Variants in ZSWIM7 observed in about 807,000 individuals in gnomAD.
ZSWIM7 encodes the protein zinc finger SWIM domain-containing protein 7.
In ZSWIM7, 22 loss-of-function variants were observed where a neutral mutation model predicts 21.1. The observed-to-expected ratio is 1.04, with a 90% CI of 0.74 to 1.49. The LOEUF is 1.49. ZSWIM7 is among the 40% of genes most tolerant of loss of function. The probability of loss-of-function intolerance (pLI) is 0.00; values close to 1 mark genes in which losing one functional copy is unlikely to be tolerated. For missense variants in ZSWIM7, 193 were observed against 168.0 expected (o/e 1.15, Z -0.82); for synonymous variants, 67 against 66.5 (o/e 1.01, Z -0.04).
chr17:15,994,568 G>C (rs953746326), intron 1 of ZSWIM7, among the ~76,000 whole-genome samples: 1 of 152,146 alleles, frequency 6.6e-6, no homozygotes, highest in Non-Finnish European at 1.5e-5. Context: ...ACAGCTTTAG[G>C]TGACTGCCTT....
intron 2 of ZSWIM7, among the ~76,000 whole-genome samples, chr17:15,989,447 G>C (rs1970454863): frequency 6.6e-6 from 1 of 151,964 alleles, no homozygotes; most frequent in African/African-American, 2.4e-5. Context: ...CTCCTGAGTA[G>C]CTGGGATTAT....
chr17:15,978,276 A>ATTACGGGGTCTCT, intron 4 of ZSWIM7, 113 bp from the exon 5 acceptor site: 1 of 766,536 alleles, frequency 1.3e-6, no homozygotes, highest in Non-Finnish European at 2.3e-6. Flanking sequence ...GAGCATACAG[A>ATTACGGGGTCTCT]TTACGGGGTC....
chr17:15,993,718 G>A (rs750233914), intron 2 of ZSWIM7, 39 bp downstream of exon 2: 10 of 1,384,564 alleles, frequency 7.2e-6, no homozygotes, highest in African/African-American at 2.9e-5. Context: ...TAACATTAAT[G>A]GTTAAAAAAA....
intron 1 of ZSWIM7, among the ~76,000 whole-genome samples, chr17:15,996,730 G>C (rs28463386): frequency 1.0e-3 from 158 of 152,074 alleles, no homozygotes; most frequent in Non-Finnish European, 1.8e-3. Flanking sequence ...GCACACCTGT[G>C]GTACCAGTTA....
chr17:15,982,717 C>G (rs183622901), intron 3 of ZSWIM7, among the ~76,000 whole-genome samples: 33 of 152,264 alleles, frequency 2.2e-4, no homozygotes, highest in Middle Eastern at 3.4e-3. Context: ...AGTGGCAGAT[C>G]ATAGCTCATT....
At chr17:15,997,290 AGCC>A (rs1970567492) in intron 1 of ZSWIM7, among the ~76,000 whole-genome samples, 1 of 152,230 alleles carries the variant, frequency 6.6e-6, no homozygotes, top group African/African-American at 2.4e-5. Flanking sequence ...CCGAGAGATC[AGCC>A]AGTCCATATT....
In ZSWIM7 at chr17:15,993,744, T is replaced by C. The variant is rs1272696560; in HGVS notation, c.98+13A>G. 2 of 1,467,004 alleles carry C rather than the reference T, an allele frequency of 1.4e-6. No homozygotes were observed. The highest frequency in any genetic ancestry group is 2.8e-5 in the African/African-American group (2 of 70,658). The allele number at this position is 1,467,004 out of a possible 1,614,324, so 90.9% of individuals were successfully genotyped here. On this transcript the variant is annotated intron_variant, in intron 2 of 4. Transcript: ENST00000399277. Reference sequence around the variant, plus strand: ...GTTAAAAAAAAATCAAATACAACAGTATATGTACTTACGATAACAGATATT... The same window carrying C: ...GTTAAAAAAAAATCAAATACAACAGCATATGTACTTACGATAACAGATATT...
intron 3 of ZSWIM7, among the ~76,000 whole-genome samples, chr17:15,985,395 A>C (rs934918368): frequency 7.9e-5 from 12 of 152,174 alleles, no homozygotes; most frequent in Non-Finnish European, 1.5e-5. Flanking sequence ...CTGGAGAACA[A>C]TAATATTAGA....
At position 15,999,464 on chromosome 17, in the gene ZSWIM7, C is replaced by T. The variant is rs773594201; in HGVS notation, c.76+55G>A. ...CCTCCTGCCTCCCGGCCCGGCGGTG[C>T]CCGGATGCCCCGCCCGCGCCCATGG... On this transcript the variant is annotated intron_variant, in intron 1 of 4. Coordinates refer to ENST00000399277, the MANE Select transcript of ZSWIM7 (RefSeq NM_001042697.2). 5.7e-6 allele frequency: 9 copies of T among 1,581,232 alleles called. No homozygotes were observed. The African/African-American group carries it at 9.4e-5, about 17-fold the overall frequency.
At chr17:15,987,031 A>C (rs1214642055) in intron 3 of ZSWIM7, 1 of 341,708 alleles carries the variant, frequency 2.9e-6, no homozygotes, top group Non-Finnish European at 5.2e-6. Flanking sequence ...TTATTCTACA[A>C]GGTATCCATA....
intron 2 of ZSWIM7, among the ~76,000 whole-genome samples, chr17:15,991,450 C>A (rs187169735): frequency 1.9e-4 from 29 of 152,276 alleles, no homozygotes; most frequent in Admixed American, 1.8e-3. Flanking sequence ...TGTTACCCTG[C>A]AATTTACATT....
At chr17:15,991,201 T>TTTTTTTTTTTTTTTTTTTTTTTTTTTG (rs1567571155) in intron 2 of ZSWIM7, 2 of 151,892 alleles carry the variant, frequency 1.3e-5, no homozygotes, top group African/African-American at 4.9e-5. Context: ...ATATCACTTT[T>TTTTTTTTTTTTTTTTTTTTTTTTTTTG]AATGGTTACA....
chr17:15,978,473 C>G (rs1970306205), intron 4 of ZSWIM7, among the ~76,000 whole-genome samples: 1 of 152,290 alleles, frequency 6.6e-6, no homozygotes, highest in Admixed American at 6.5e-5. Flanking sequence ...CGGTACATGC[C>G]TGTAATTCCA....
At chr17:15,982,223 G>A (rs1970364224) in intron 3 of ZSWIM7, among the ~76,000 whole-genome samples, 1 of 152,148 alleles carries the variant, frequency 6.6e-6, no homozygotes, top group African/African-American at 2.4e-5. Flanking sequence ...GCACAAATTT[G>A]CTGGAGAAAT....
At chr17:15,987,964 T>C (rs1428418828) in intron 2 of ZSWIM7, among the ~76,000 whole-genome samples, 1 of 152,190 alleles carries the variant, frequency 6.6e-6, no homozygotes, top group Non-Finnish European at 1.5e-5. Context: ...AAGCCCTCTT[T>C]ATACTTCTCT....
intron 4 of ZSWIM7, among the ~76,000 whole-genome samples, chr17:15,979,711 A>G (rs1338276457): frequency 1.4e-5 from 2 of 139,576 alleles, no homozygotes; most frequent in Non-Finnish European, 3.1e-5. Context: ...CTGGCCGGGC[A>G]GAGGGGCTCC....
intron 3 of ZSWIM7, among the ~76,000 whole-genome samples, chr17:15,983,571 A>G (rs1970380035): frequency 6.6e-6 from 1 of 151,996 alleles, no homozygotes; most frequent in African/African-American, 2.4e-5. Flanking sequence ...AAAACCCACA[A>G]CATCCAGCAG....
intron 3 of ZSWIM7, among the ~76,000 whole-genome samples, chr17:15,981,793 G>A (rs1227117531): frequency 6.6e-6 from 1 of 152,162 alleles, no homozygotes; most frequent in Non-Finnish European, 1.5e-5. Context: ...GCACATGCCA[G>A]TAGTCCCAGC....
Position 15,978,122 on chromosome 17 carries a change from C to T in ZSWIM7, c.348G>A (p.Arg116=). 1.2e-6 allele frequency: 2 copies of T among 1,614,126 alleles called. No individual in the cohort carries two copies. Among genetic ancestry groups the T allele is most frequent in the Non-Finnish European group, 1.7e-6 (2 of 1,179,992 alleles). The part of the protein sequence containing the change: ...LLAVYLSQVM[R]TCQQLSVSDK... The stretch of plus-strand genomic sequence containing the variant: ...CAGAGACACTTAGCTGCTGACAGGT[C>T]CTCATAACCTGACTCAGGTAAACTG... Residue 116 remains arginine (R), a synonymous_variant, in exon 5 of 5, where the codon AGG becomes AGA. Transcript: ENST00000399277.
Sources: allele counts gnomAD v4.1 joint callset (sites outside exome capture counted in the v4.1 genomes callset), GRCh38; gene constraint gnomAD v4.1.1; transcripts MANE v1.5; gene names NCBI Gene and HGNC (gene_info 2026-07-23, HGNC 2026-07-21).